Variants in OSBPL9 observed in about 807,000 individuals in gnomAD.
OSBPL9 encodes the protein oxysterol-binding protein-related protein 9.
A neutral mutation model predicts 106.6 loss-of-function variants in OSBPL9; 40 were observed. The observed-to-expected ratio is 0.38, with a 90% confidence interval of 0.29 to 0.49. The LOEUF (loss-of-function observed/expected upper bound fraction) is 0.49, where lower values mean the gene tolerates loss of function less well. Among genes scored for constraint, OSBPL9 ranks in the 20% least tolerant of loss-of-function variants. The pLI is 0.97. For missense variants in OSBPL9, 609 were observed against 887.2 expected (o/e 0.69, Z 3.98); for synonymous variants, 269 against 295.4 (o/e 0.91, Z 0.92).
At position 51,635,651 on chromosome 1, in the gene OSBPL9, A is replaced by G. The variant is rs528633922; in HGVS notation, c.112-16340A>G. Among the ~76,000 whole-genome samples, 193 of 152,280 alleles carry G rather than the reference A, an allele frequency of 1.3e-3. 4 individuals carry two copies. The South Asian group carries it at 0.023, about 18-fold the overall frequency. ...AATATTTAACTTTATAAGGGATGCA[A>G]AAACCCTAAGTCATCATGGCTGTGC... On this transcript the variant is annotated intron_variant, in intron 1 of 23. Transcript: ENST00000428468.
chr1:51,781,553 C>T, intron 16 of OSBPL9: 2 of 453,320 alleles, frequency 4.4e-6, no homozygotes, highest in Admixed American at 3.4e-5. Flanking sequence ...CTTGCAAGGT[C>T]TTGTAGACCA....
At chr1:51,765,679 T>C in intron 11 of OSBPL9, 143 bp from the exon 12 acceptor site, 1 of 658,838 alleles carries the variant, frequency 1.5e-6, no homozygotes, top group Non-Finnish European at 2.4e-6. Context: ...GTTTAAATGT[T>C]GATTTTCTTT....
At chr1:51,622,185 G>C (rs1005134533) in intron 1 of OSBPL9, among the ~76,000 whole-genome samples, 1 of 152,154 alleles carries the variant, frequency 6.6e-6, no homozygotes, top group Non-Finnish European at 1.5e-5. Context: ...GAACAGGTTG[G>C]GGGAGAGAAG....
At chr1:51,680,414 A>T (rs1274983069) in intron 3 of OSBPL9, among the ~76,000 whole-genome samples, 1 of 151,952 alleles carries the variant, frequency 6.6e-6, no homozygotes, top group Non-Finnish European at 1.5e-5. Context: ...AGCACTTTGC[A>T]AGGCCAAGGC....
intron 3 of OSBPL9, among the ~76,000 whole-genome samples, chr1:51,689,183 A>G (rs1654455984): frequency 6.6e-6 from 1 of 152,230 alleles, no homozygotes; most frequent in African/African-American, 2.4e-5. Context: ...TTATAGTAAC[A>G]TAAATCAGTC....
chr1:51,692,915 G>A (rs947666498), intron 3 of OSBPL9, among the ~76,000 whole-genome samples: 1 of 152,132 alleles, frequency 6.6e-6, no homozygotes, highest in Non-Finnish European at 1.5e-5. Context: ...AAAAGATAGT[G>A]CAGGATAATG....
chr1:51,744,080 G>A (rs183132984), intron 4 of OSBPL9, among the ~76,000 whole-genome samples: 10 of 151,772 alleles, frequency 6.6e-5, no homozygotes, highest in Middle Eastern at 3.4e-3. Context: ...GACATTTATC[G>A]CCTTTGAATT....
At chr1:51,538,711 A>G in the OSBPL9 span, 5 of 152,098 alleles carry the variant, frequency 3.3e-5, no homozygotes, top group Non-Finnish European at 7.4e-5. Flanking sequence ...TTTTGTAAAT[A>G]TGCTGTCAAA....
chr1:51,676,193 G>A (rs532929797), intron 3 of OSBPL9, among the ~76,000 whole-genome samples: 2 of 152,196 alleles, frequency 1.3e-5, no homozygotes, highest in African/African-American at 2.4e-5. Context: ...TTGGGAGACC[G>A]AGGTGGTGGG....
chr1:51,660,506 CA>C (rs1647072995), intron 2 of OSBPL9, among the ~76,000 whole-genome samples: 1 of 152,010 alleles, frequency 6.6e-6, no homozygotes, highest in Admixed American at 6.5e-5. Context: ...GTAAAAAAGA[CA>C]AAAGAATTCT....
intron 1 of OSBPL9, among the ~76,000 whole-genome samples, chr1:51,577,869 C>A (rs193224873): frequency 3.3e-5 from 5 of 152,174 alleles, no homozygotes; most frequent in Non-Finnish European, 7.3e-5. Context: ...GGCTCAGACC[C>A]GGTTCTAGGT....
At chr1:51,569,000 G>A in the OSBPL9 span, among the ~76,000 whole-genome samples, 1 of 152,110 alleles carries the variant, frequency 6.6e-6, no homozygotes, top group African/African-American at 2.4e-5. Flanking sequence ...AATTACAGGG[G>A]TGAGCCACTG....
chr1:51,530,170 C>CAAAAAAAAAA, the OSBPL9 span, among the ~76,000 whole-genome samples: 28 of 10,948 alleles, frequency 2.6e-3, 2 homozygotes, highest in African/African-American at 5.6e-3. Flanking sequence ...GACTCTGTCT[C>CAAAAAAAAAA]AAAAAAAAAA....
At chr1:51,555,357 G>C in the OSBPL9 span, among the ~76,000 whole-genome samples, 2 of 151,768 alleles carry the variant, frequency 1.3e-5, no homozygotes, top group African/African-American at 4.8e-5. Context: ...GGGCATGGTG[G>C]CACGTGCCTG....
intron 2 of OSBPL9, among the ~76,000 whole-genome samples, chr1:51,665,649 A>G (rs1276254984): frequency 6.6e-6 from 1 of 152,164 alleles, no homozygotes; most frequent in African/African-American, 2.4e-5. Flanking sequence ...AATTGTGCAT[A>G]TATACACTGA....
the OSBPL9 span, among the ~76,000 whole-genome samples, chr1:51,556,803 G>T: frequency 7.9e-6 from 1 of 127,378 alleles, no homozygotes; most frequent in Non-Finnish European, 1.9e-5. Flanking sequence ...CAAAAAAAAA[G>T]TATATATATA....
intron 15 of OSBPL9, among the ~76,000 whole-genome samples, chr1:51,780,094 AAAAG>A (rs1676002239): frequency 6.6e-6 from 1 of 151,952 alleles, no homozygotes; most frequent in Non-Finnish European, 1.5e-5. Context: ...AAAAAAAAAA[AAAAG>A]GCCAACAAAC....
intron 1 of OSBPL9, among the ~76,000 whole-genome samples, chr1:51,648,079 G>T (rs1646282307): frequency 6.6e-6 from 1 of 152,170 alleles, no homozygotes; most frequent in Non-Finnish European, 1.5e-5. Flanking sequence ...CAGTTACTGG[G>T]CTGTAGACCA....
the OSBPL9 span, among the ~76,000 whole-genome samples, chr1:51,522,170 A>G: frequency 6.6e-6 from 1 of 152,252 alleles, no homozygotes; most frequent in African/African-American, 2.4e-5. Context: ...CTTTATCCCC[A>G]TAAGAAAATC....
Sources: allele counts gnomAD v4.1 joint callset (sites outside exome capture counted in the v4.1 genomes callset), GRCh38; gene constraint gnomAD v4.1.1; transcripts MANE v1.5; gene names NCBI Gene and HGNC (gene_info 2026-07-23, HGNC 2026-07-21).